The following NREP variants were observed in gnomAD, a reference collection of about 807,000 sequenced individuals.
The protein encoded by NREP is neuronal regeneration-related protein.
NREP carries 5 observed loss-of-function variants against 8.6 expected under a neutral mutation model. That is an observed-to-expected ratio of 0.58 (90% CI 0.30 to 1.22). NREP has a LOEUF of 1.22. Among genes scored for constraint, NREP ranks in the 50% most tolerant of loss-of-function variants. NREP has a pLI of 0.07. For synonymous variants in NREP, 27 were observed against 28.0 expected (o/e 0.96, Z 0.11); for missense variants, 86 against 82.5 (o/e 1.04, Z -0.17).
At chr5:111,782,584 A>G (rs1407532119) in intron 2 of NREP, among the ~76,000 whole-genome samples, 1 of 152,182 alleles carries the variant, frequency 6.6e-6, no homozygotes, top group Non-Finnish European at 1.5e-5. Context: ...CTGAAAATAG[A>G]TTCTCTGGGC....
intron 2 of NREP, among the ~76,000 whole-genome samples, chr5:111,959,245 T>G (rs375895487): frequency 6.7e-6 from 1 of 148,736 alleles, no homozygotes; most frequent in Non-Finnish European, 1.5e-5. Flanking sequence ...AGTTCACTTA[T>G]GTACATTTTT....
intron 2 of NREP, among the ~76,000 whole-genome samples, chr5:111,857,882 A>G (rs1423963023): frequency 6.6e-6 from 1 of 152,116 alleles, no homozygotes; most frequent in East Asian, 1.9e-4. Context: ...AGCACATAAA[A>G]GCAATAGGAA....
intron 2 of NREP, among the ~76,000 whole-genome samples, chr5:111,795,344 G>C (rs904788783): frequency 4.6e-5 from 7 of 152,156 alleles, no homozygotes. Flanking sequence ...TGCTGACTCT[G>C]CTTTACAAGG....
chr5:111,891,293 A>C (rs189182250), intron 2 of NREP, among the ~76,000 whole-genome samples: 7 of 152,202 alleles, frequency 4.6e-5, no homozygotes, highest in African/African-American at 1.7e-4. Context: ...CCAGTTCCAA[A>C]TAAGTTTCTG....
rs545020560 is a variant in NREP at position 111,886,095 on chromosome 5, G to C, written c.135+89179C>G. On this transcript the variant is annotated intron_variant, in intron 2 of 3. Transcript: ENST00000395634. ...TCATCTGACAAAGGGCTAATATCCA[G>C]AATCTACAATGAACTCAAACAAATT... is the stretch of plus-strand genomic sequence containing the variant. Among the ~76,000 whole-genome samples, 28 of 152,220 alleles carry C rather than the reference G, an allele frequency of 1.8e-4. No homozygotes were observed. In the South Asian group the frequency reaches 2.7e-3, roughly 15 times the overall value.
At chr5:111,887,698 A>T (rs147799619) in intron 2 of NREP, among the ~76,000 whole-genome samples, 3 of 152,370 alleles carry the variant, frequency 2.0e-5, no homozygotes, top group African/African-American at 7.2e-5. Context: ...GTTCACATCC[A>T]AATGAAGATA....
chr5:111,734,765 G>A (rs1748947049), intron 3 of NREP: 2 of 698,034 alleles, frequency 2.9e-6, no homozygotes, highest in East Asian at 2.7e-5. Flanking sequence ...CAAGTCATTG[G>A]TTAAAAAGTA....
intron 2 of NREP, among the ~76,000 whole-genome samples, chr5:111,892,330 T>C (rs1754413809): frequency 6.6e-6 from 1 of 152,010 alleles, no homozygotes; most frequent in African/African-American, 2.4e-5. Context: ...TGGGGTTCTG[T>C]AGAAATACAA....
chr5:111,842,956 T>A (rs1268341075), intron 2 of NREP, among the ~76,000 whole-genome samples: 4 of 152,166 alleles, frequency 2.6e-5, no homozygotes, highest in Non-Finnish European at 5.9e-5. Flanking sequence ...GTGCGACAAG[T>A]TGCTTTTCTC....
At position 111,729,758 on chromosome 5, in the gene NREP, G is replaced by A. The variant is rs1395484507; in HGVS notation, c.*1163C>T. On this transcript the variant is annotated 3_prime_UTR_variant, in exon 4 of 4. Coordinates refer to ENST00000257435, the MANE Select transcript of NREP (RefSeq NM_004772.4). ...TATTTTTGTTTATCCATTTCGTTGG[G>A]AGCAAGGACAAAAATGTAAATCTAC... 6.6e-6 allele frequency: 1 copy of A among 151,990 alleles called. No homozygotes were observed. Among genetic ancestry groups the A allele is most frequent in the Non-Finnish European group, 1.5e-5 (1 of 67,846 alleles). 9.4% of individuals were successfully genotyped at this position (151,990 alleles called of 1,614,324 possible).
intron 2 of NREP, among the ~76,000 whole-genome samples, chr5:111,949,737 T>A (rs771887164): frequency 6.6e-6 from 1 of 152,142 alleles, no homozygotes; most frequent in Non-Finnish European, 1.5e-5. Context: ...GCTTCATCCA[T>A]GTCCCTGCAA....
intron 2 of NREP, among the ~76,000 whole-genome samples, chr5:111,844,105 G>A (rs560506024): frequency 6.6e-6 from 1 of 152,170 alleles, no homozygotes; most frequent in South Asian, 2.1e-4. Flanking sequence ...TTAATATTCA[G>A]TATACAGATT....
At chr5:111,912,048 T>C (rs747687619) in intron 2 of NREP, among the ~76,000 whole-genome samples, 1 of 152,160 alleles carries the variant, frequency 6.6e-6, no homozygotes, top group Non-Finnish European at 1.5e-5. Context: ...CTTATAAAGA[T>C]GTAAATTTAG....
chr5:111,805,585 C>T (rs907620215), intron 2 of NREP, among the ~76,000 whole-genome samples: 2 of 152,118 alleles, frequency 1.3e-5, no homozygotes, highest in Non-Finnish European at 2.9e-5. Context: ...GTGATGTGTG[C>T]ACACGTATGT....
intron 2 of NREP, among the ~76,000 whole-genome samples, chr5:111,959,550 T>G (rs932442286): frequency 2.6e-5 from 4 of 151,504 alleles, no homozygotes; most frequent in Admixed American, 6.5e-5. Context: ...TAAAGAAAAC[T>G]TAGTATCCAG....
chr5:111,856,690 T>C (rs1045392640), intron 2 of NREP, among the ~76,000 whole-genome samples: 1 of 152,112 alleles, frequency 6.6e-6, no homozygotes, highest in African/African-American at 2.4e-5. Context: ...ACCAAGTTGA[T>C]TGTATTGGGG....
intron 2 of NREP, among the ~76,000 whole-genome samples, chr5:111,910,869 T>G (rs555838029): frequency 6.6e-6 from 1 of 152,238 alleles, no homozygotes; most frequent in South Asian, 2.1e-4. Context: ...AGTTCATGGA[T>G]AGCTGCTATT....
chr5:111,886,843 G>T (rs567881110), intron 2 of NREP, among the ~76,000 whole-genome samples: 3 of 149,968 alleles, frequency 2.0e-5, no homozygotes, highest in Non-Finnish European at 4.4e-5. Context: ...GACGGGGGAG[G>T]GATAGCATTA....
At chr5:111,930,124 A>G (rs1581228122) in intron 2 of NREP, among the ~76,000 whole-genome samples, 2 of 152,202 alleles carry the variant, frequency 1.3e-5, no homozygotes, top group Non-Finnish European at 2.9e-5. Flanking sequence ...GGCAAGAGCA[A>G]CTAGGCCTAT....
Sources: gnomAD v4.1 joint callset for allele counts (sites outside exome capture counted in the v4.1 genomes callset) on GRCh38, gnomAD v4.1.1 for gene constraint, MANE v1.5 for transcripts, NCBI Gene and HGNC (gene_info 2026-07-23, HGNC 2026-07-21) for gene names.